CNNM2: variants seen among roughly 807,000 people sequenced by gnomAD.
The protein encoded by CNNM2 is cyclin and CBS domain divalent metal cation transport mediator 2, also known as metal transporter CNNM2.
Under a neutral mutation model 66.9 loss-of-function variants are expected in CNNM2, and 12 were observed. The ratio of observed to expected loss-of-function variants is 0.18; its 90% CI spans 0.11 to 0.29. The LOEUF (loss-of-function observed/expected upper bound fraction) is 0.29. Among genes scored for constraint, CNNM2 ranks in the 10% least tolerant of loss-of-function variants. The pLI is 1.00. For synonymous variants in CNNM2, 557 were observed against 501.8 expected, an observed-to-expected ratio of 1.11 and a Z score of -1.47; for missense variants, 705 against 1,167.7, an observed-to-expected ratio of 0.60 and a Z score of 5.77.
chr10:103,012,244 AT>A (rs1184835932), intron 1 of CNNM2, among the ~76,000 whole-genome samples: 2 of 152,204 alleles, frequency 1.3e-5, no homozygotes, highest in Non-Finnish European at 2.9e-5. Context: ...ATTTTTGTAG[AT>A]TTGGCCAAAT....
chr10:103,089,659 T>C lies in CNNM2; in HGVS notation c.*12479T>C. 1 of 1,579,916 alleles carries C rather than the reference T, an allele frequency of 6.3e-7. No individual in the cohort carries two copies. The highest frequency in any genetic ancestry group is 8.6e-7 in the Non-Finnish European group (1 of 1,163,076). On this transcript the variant is annotated 3_prime_UTR_variant, in exon 8 of 8. Transcript: ENST00000369878. ...ACTTGTTTAATGGGTGCTTGGGGTT[T>C]TGGTTTTCCTCCTTATTCTTCCTCC... is the stretch of plus-strand genomic sequence containing the variant.
intron 1 of CNNM2, among the ~76,000 whole-genome samples, chr10:103,007,458 A>T (rs2064249793): frequency 6.6e-6 from 1 of 152,110 alleles, no homozygotes; most frequent in Non-Finnish European, 1.5e-5. Context: ...ACCAGGGTGT[A>T]TGTCAGTCCT....
intron 4 of CNNM2, among the ~76,000 whole-genome samples, chr10:103,058,079 T>C (rs1406857285): frequency 6.6e-6 from 1 of 152,212 alleles, no homozygotes; most frequent in Non-Finnish European, 1.5e-5. Context: ...ATTGTGGTGT[T>C]TGGAAGCAGG....
At chr10:103,032,661 C>CTTTTTTTTTTTTTTT in intron 1 of CNNM2, among the ~76,000 whole-genome samples, 1 of 120,590 alleles carries the variant, frequency 8.3e-6, no homozygotes, top group Non-Finnish European at 1.7e-5. Context: ...TGATGTAGCT[C>CTTTTTTTTTTTTTTT]TTTTTTTTTT....
chr10:102,923,195 T>A (rs1037349480), intron 1 of CNNM2, among the ~76,000 whole-genome samples: 1 of 152,130 alleles, frequency 6.6e-6, no homozygotes, highest in African/African-American at 2.4e-5. Flanking sequence ...ACTGTGATTG[T>A]CTTTTTTCTC....
intron 5 of CNNM2, 102 bp downstream of exon 5, chr10:103,068,824 C>T (rs2065524445): frequency 2.1e-6 from 2 of 935,598 alleles, no homozygotes; most frequent in South Asian, 3.5e-5. Flanking sequence ...ACCCCATTCA[C>T]TTCCTTTTTG....
At chr10:102,978,275 A>AT (rs201510958) in intron 1 of CNNM2, among the ~76,000 whole-genome samples, 11 of 142,778 alleles carry the variant, frequency 7.7e-5, no homozygotes, top group African/African-American at 1.6e-4. Flanking sequence ...ACTGGACTCG[A>AT]TTTTTTTTTT....
chr10:103,085,334 A>ACTC lies in CNNM2; in HGVS notation c.*8155_*8157dup, dbSNP rs754429441. On this transcript the variant is annotated 3_prime_UTR_variant, in exon 8 of 8. Coordinates refer to ENST00000369878, the MANE Select transcript of CNNM2 (RefSeq NM_017649.5). ...TACCCACACACTCAAGTCAAAGATA[A>ACTC]CTCTGGTGAGAACACTCTCTCAAAG... 1.7e-4 allele frequency: 26 copies of ACTC among 152,212 alleles called. No individual in the cohort carries two copies. The highest frequency in any genetic ancestry group is 2.9e-4 in the Non-Finnish European group (20 of 68,048). The allele number at this position is 152,212 out of a possible 1,614,324, so 9.4% of individuals were successfully genotyped here. A position where few individuals can be genotyped will look rare whatever the true frequency, so the allele number is the denominator to read the frequency against.
intron 1 of CNNM2, among the ~76,000 whole-genome samples, chr10:102,971,394 A>G (rs924337576): frequency 2.6e-5 from 4 of 152,092 alleles, no homozygotes; most frequent in South Asian, 2.1e-4. Context: ...TAACATAGAT[A>G]ATTTTGTTTA....
chr10:102,948,899 A>G (rs576977362), intron 1 of CNNM2, among the ~76,000 whole-genome samples: 4 of 152,148 alleles, frequency 2.6e-5, no homozygotes, highest in Admixed American at 2.0e-4. Flanking sequence ...GAGGCAAAAT[A>G]TAGATATTAT....
chr10:102,965,678 A>C (rs141955391), intron 1 of CNNM2, among the ~76,000 whole-genome samples: 2 of 152,194 alleles, frequency 1.3e-5, no homozygotes, highest in African/African-American at 4.8e-5. Context: ...TGTCTACTCT[A>C]TCTCTGTAAA....
intron 1 of CNNM2, among the ~76,000 whole-genome samples, chr10:102,925,331 T>G (rs1219463827): frequency 7.6e-6 from 1 of 132,042 alleles, no homozygotes; most frequent in African/African-American, 2.7e-5. Flanking sequence ...AAAAAAGATT[T>G]ACTTGGGTCA....
chr10:103,079,715 A>G lies in CNNM2; in HGVS notation c.*2535A>G, dbSNP rs1001381835. Reference sequence around the variant, plus strand: ...AATTTTAGCCGCCAAGTTCGTATTCATTTTCTGTTATTCTTTACCTTCTGT... The same window carrying G: ...AATTTTAGCCGCCAAGTTCGTATTCGTTTTCTGTTATTCTTTACCTTCTGT... On this transcript the variant is annotated 3_prime_UTR_variant, in exon 8 of 8. Coordinates refer to ENST00000369878, the MANE Select transcript of CNNM2 (RefSeq NM_017649.5). 1.3e-5 allele frequency: 2 copies of G among 152,060 alleles called. No individual in the cohort carries two copies. Among genetic ancestry groups the G allele is most frequent in the East Asian group, 1.9e-4 (1 of 5,192 alleles). 9.4% of individuals were successfully genotyped at this position (152,060 alleles called of 1,614,324 possible).
chr10:102,998,692 G>T (rs555133801), intron 1 of CNNM2, among the ~76,000 whole-genome samples: 1 of 152,052 alleles, frequency 6.6e-6, no homozygotes, highest in African/African-American at 2.4e-5. Context: ...AAACTATTAG[G>T]TTTAGGCCGG....
chr10:103,042,013 A>G (rs952283), intron 1 of CNNM2, among the ~76,000 whole-genome samples: 3 of 152,100 alleles, frequency 2.0e-5, no homozygotes, highest in Admixed American at 6.5e-5. Flanking sequence ...GGACTCTTGT[A>G]TCTATCTGAC....
intron 1 of CNNM2, among the ~76,000 whole-genome samples, chr10:103,000,036 G>T (rs1426319335): frequency 1.3e-5 from 2 of 152,072 alleles, no homozygotes; most frequent in African/African-American, 2.4e-5. Context: ...AGGAGTTCCA[G>T]ACCAGCCTGG....
chr10:103,025,091 A>AT (rs2064673901), intron 1 of CNNM2, among the ~76,000 whole-genome samples: 1 of 151,746 alleles, frequency 6.6e-6, no homozygotes, highest in Non-Finnish European at 1.5e-5. Context: ...TATTTTATTT[A>AT]TTTTTTATTT....
chr10:103,020,485 C>T (rs2064552111), intron 1 of CNNM2, among the ~76,000 whole-genome samples: 1 of 152,088 alleles, frequency 6.6e-6, no homozygotes, highest in Non-Finnish European at 1.5e-5. Flanking sequence ...ATTAATTAAT[C>T]CATTCAACCA....
intron 1 of CNNM2, among the ~76,000 whole-genome samples, chr10:103,034,942 C>T (rs1048098291): frequency 3.6e-5 from 5 of 137,252 alleles, no homozygotes; most frequent in Non-Finnish European, 6.2e-5. Context: ...GTCTGCAGTC[C>T]GGCCTGGGCG....
Sources: gnomAD v4.1 joint callset for allele counts (sites outside exome capture counted in the v4.1 genomes callset) on GRCh38, gnomAD v4.1.1 for gene constraint, MANE v1.5 for transcripts, NCBI Gene and HGNC (gene_info 2026-07-23, HGNC 2026-07-21) for gene names.